Variants in PRR16 observed in about 807,000 individuals in gnomAD.
PRR16 encodes the protein protein Largen.
In PRR16, 6 loss-of-function variants were observed where a neutral mutation model predicts 18.2. The observed-to-expected ratio is 0.33, with a 90% CI of 0.18 to 0.65. The LOEUF (loss-of-function observed/expected upper bound fraction) is 0.65, where lower values mean the gene tolerates loss of function less well. PRR16 is among the 30% of genes least tolerant of loss of function. PRR16 has a pLI of 0.74. For missense variants in PRR16, 412 were observed against 376.6 expected (o/e 1.09, Z -0.78); for synonymous variants, 151 against 147.8 (o/e 1.02, Z -0.16).
intron 1 of PRR16, among the ~76,000 whole-genome samples, chr5:120,474,487 C>T (rs1749372635): frequency 6.6e-6 from 1 of 152,090 alleles, no homozygotes; most frequent in African/African-American, 2.4e-5. Context: ...CATCTTATTC[C>T]ATATTACTTA....
At chr5:120,518,020 C>A (rs1490351232) in intron 1 of PRR16, among the ~76,000 whole-genome samples, 3 of 152,148 alleles carry the variant, frequency 2.0e-5, no homozygotes, top group African/African-American at 7.2e-5. Flanking sequence ...ATAGATAGCT[C>A]TTGAGTTACA....
In PRR16 at chr5:120,574,608, A is replaced by G. The variant is rs550760097; in HGVS notation, c.159+109963A>G. On this transcript the variant is annotated intron_variant, in intron 1 of 1. Transcript: ENST00000407149. ...GAGAGCAAGACTCTGTCTCAAAAAC[A>G]AAAACAACAACGACGAAAAAAGGAT... 4.4e-5 allele frequency among the ~76,000 whole-genome samples: 6 copies of G among 137,128 alleles called. No individual in the cohort carries two copies. The South Asian group carries it at 1.2e-3, about 28-fold the overall frequency. 90.0% of individuals were successfully genotyped at this position (137,128 alleles called of 152,430 possible).
chr5:120,578,156 G>T (rs567339172), intron 1 of PRR16, among the ~76,000 whole-genome samples: 1 of 152,242 alleles, frequency 6.6e-6, no homozygotes, highest in South Asian at 2.1e-4. Context: ...TTTTTCCCCA[G>T]TTAATATGCT....
chr5:120,555,679 G>T (rs1046430507), intron 1 of PRR16, among the ~76,000 whole-genome samples: 4 of 151,734 alleles, frequency 2.6e-5, no homozygotes, highest in Non-Finnish European at 4.4e-5. Context: ...TGGGGTTAGG[G>T]CTTCAACATA....
intron 1 of PRR16, among the ~76,000 whole-genome samples, chr5:120,500,454 A>G (rs1056121407): frequency 6.6e-6 from 1 of 152,208 alleles, no homozygotes; most frequent in Non-Finnish European, 1.5e-5. Context: ...ACGAGATTAC[A>G]TTTAGTGCGT....
At chr5:120,513,531 C>G (rs953536037) in intron 1 of PRR16, among the ~76,000 whole-genome samples, 1 of 152,016 alleles carries the variant, frequency 6.6e-6, no homozygotes, top group Admixed American at 6.6e-5. Context: ...CATGTTTCCT[C>G]CACCTGGAAT....
intron 1 of PRR16, among the ~76,000 whole-genome samples, chr5:120,538,760 A>C (rs536175975): frequency 6.6e-6 from 1 of 152,138 alleles, no homozygotes; most frequent in Non-Finnish European, 1.5e-5. Context: ...GGTTCCAAAT[A>C]ATCTTGTTCT....
At chr5:120,466,421 G>A (rs1377784562) in intron 1 of PRR16, among the ~76,000 whole-genome samples, 1 of 152,196 alleles carries the variant, frequency 6.6e-6, no homozygotes, top group Non-Finnish European at 1.5e-5. Flanking sequence ...TCATGAGGCT[G>A]AGACTAAAAG....
the PRR16 span, among the ~76,000 whole-genome samples, chr5:120,728,275 A>G: frequency 6.6e-6 from 1 of 152,004 alleles, no homozygotes; most frequent in Non-Finnish European, 1.5e-5. Context: ...AAGACATACT[A>G]CAATAGTTTG....
chr5:120,789,178 T>C, the PRR16 span, among the ~76,000 whole-genome samples: 1 of 152,114 alleles, frequency 6.6e-6, no homozygotes, highest in Non-Finnish European at 1.5e-5. Context: ...TTAATCATTA[T>C]ACTAGGTTTA....
chr5:120,559,491 C>A (rs1197017551), intron 1 of PRR16, among the ~76,000 whole-genome samples: 1 of 151,676 alleles, frequency 6.6e-6, no homozygotes, highest in African/African-American at 2.4e-5. Context: ...TTTCTGGGGT[C>A]TCTATTCTGT....
At chr5:120,706,414 A>G in the PRR16 span, among the ~76,000 whole-genome samples, 1 of 152,136 alleles carries the variant, frequency 6.6e-6, no homozygotes, top group African/African-American at 2.4e-5. Context: ...TTATTGGCTC[A>G]GTGGATAGAA....
chr5:120,791,007 G>C, the PRR16 span, among the ~76,000 whole-genome samples: 1 of 152,070 alleles, frequency 6.6e-6, no homozygotes, highest in Non-Finnish European at 1.5e-5. Context: ...TAAAAACCAA[G>C]AAGTCAAATA....
chr5:120,468,315 A>G (rs1749166944), intron 1 of PRR16, among the ~76,000 whole-genome samples: 1 of 152,230 alleles, frequency 6.6e-6, no homozygotes, highest in Admixed American at 6.5e-5. Flanking sequence ...GAAGATTTCC[A>G]TGAAAGCTAA....
At chr5:120,758,974 C>CT in the PRR16 span, among the ~76,000 whole-genome samples, 74,921 of 110,222 alleles carry the variant, frequency 0.68, 27,663 homozygotes, top group East Asian at 0.84. Context: ...ACCATAATTT[C>CT]TTTTTTTTTT....
intron 1 of PRR16, among the ~76,000 whole-genome samples, chr5:120,556,230 A>ATTTTTTTTTTTTT (rs1232157382): frequency 9.9e-6 from 1 of 100,518 alleles, no homozygotes; most frequent in African/African-American, 4.1e-5. Context: ...GGTCAATTTC[A>ATTTTTTTTTTTTT]TTGTTTTTTT....
intron 1 of PRR16, among the ~76,000 whole-genome samples, chr5:120,592,990 C>T (rs1429716740): frequency 6.6e-6 from 1 of 151,860 alleles, no homozygotes; most frequent in Non-Finnish European, 1.5e-5. Context: ...TTACCCATAC[C>T]AGAATCTCGG....
intron 1 of PRR16, among the ~76,000 whole-genome samples, chr5:120,643,391 T>C (rs887056142): frequency 6.6e-6 from 1 of 152,154 alleles, no homozygotes; most frequent in African/African-American, 2.4e-5. Context: ...TATTACTACA[T>C]ATAACTGTGA....
chr5:120,688,073 G>T (rs913165673), downstream of PRR16, among the ~76,000 whole-genome samples: 5 of 152,192 alleles, frequency 3.3e-5, no homozygotes, highest in Admixed American at 3.3e-4. Context: ...TGACTTTTAT[G>T]AATAGTTGGC....
Sources: allele counts gnomAD v4.1 joint callset (sites outside exome capture counted in the v4.1 genomes callset), GRCh38; gene constraint gnomAD v4.1.1; transcripts MANE v1.5; gene names NCBI Gene and HGNC (gene_info 2026-07-23, HGNC 2026-07-21).